The following AVL9 variants were observed in gnomAD, a reference collection of about 807,000 sequenced individuals.
AVL9 encodes AVL9 cell migration associated.
AVL9 carries 49 observed loss-of-function variants against 79.2 expected under a neutral mutation model. The ratio of observed to expected loss-of-function variants is 0.62; its 90% confidence interval spans 0.49 to 0.79. The LOEUF is 0.79. Among genes scored for constraint, AVL9 ranks in the 30% least tolerant of loss-of-function variants. The pLI, the probability that AVL9 is intolerant of heterozygous loss-of-function variation, is 0.00. For synonymous variants in AVL9, 299 were observed against 280.6 expected, an observed-to-expected ratio of 1.07 and a Z score of -0.65; for missense variants, 682 against 776.8, an observed-to-expected ratio of 0.88 and a Z score of 1.45.
At chr7:32,518,043 C>T (rs1212612373) in intron 1 of AVL9, among the ~76,000 whole-genome samples, 1 of 152,072 alleles carries the variant, frequency 6.6e-6, no homozygotes, top group Non-Finnish European at 1.5e-5. Context: ...GTTGGCCAGG[C>T]TGGTCTCAAA....
intron 10 of AVL9, among the ~76,000 whole-genome samples, chr7:32,567,262 T>C (rs1790624784): frequency 1.3e-5 from 2 of 152,094 alleles, no homozygotes; most frequent in African/African-American, 4.8e-5. Flanking sequence ...CCACCATACC[T>C]GGCTAATTTT....
Position 32,576,061 on chromosome 7 carries a change from A to C in AVL9, c.1677A>C (p.Glu559Asp). ...GCAACAAGCATCCAGCACTTGCAGAAATAAATCCAAAGTAAGCGCGTCCTC... is the reference window on the plus strand; with the variant it reads ...GCAACAAGCATCCAGCACTTGCAGACATAAATCCAAAGTAAGCGCGTCCTC... ...WNSNKHPALAEINPNHPFQGQ... is the reference protein window; with the variant it reads ...WNSNKHPALADINPNHPFQGQ... The change falls in exon 13 of 16, where the codon GAA becomes GAC. Residue 559 changes from glutamate (E) to aspartate (D), a missense_variant. Glu to Asp is a conservative substitution (Grantham distance 45). Coordinates refer to ENST00000318709, the MANE Select transcript of AVL9 (RefSeq NM_015060.3). 1 of 1,612,498 alleles carries C rather than the reference A, an allele frequency of 6.2e-7. No individual in the cohort carries two copies. The highest frequency in any genetic ancestry group is 8.5e-7 in the Non-Finnish European group (1 of 1,178,512).
rs1562803333 is a variant in AVL9 at position 32,580,713 on chromosome 7, T to TG, written c.1743-89_1743-88insG. 4.2e-4 allele frequency: 302 copies of TG among 722,890 alleles called. 1 individual carries two copies. Among genetic ancestry groups the TG allele is most frequent in the East Asian group, 3.2e-3 (116 of 35,984 alleles). 44.8% of individuals were successfully genotyped at this position (722,890 alleles called of 1,614,324 possible). On this transcript the variant is annotated intron_variant, in intron 14 of 15. Coordinates refer to ENST00000318709, the MANE Select transcript of AVL9 (RefSeq NM_015060.3). ...ATTTTGGATGGTTACAGAGTGACTA[T>TG]TGTGTGTGTGTCTATATGTGTCTGT...
At chr7:32,537,060 T>C (rs1788945532) in intron 1 of AVL9, 1 of 152,192 alleles carries the variant, frequency 6.6e-6, no homozygotes, top group Non-Finnish European at 1.5e-5. Context: ...CCATTGGTGA[T>C]AGAATTCAAT....
At chr7:32,571,858 A>G (rs1319275944) in intron 11 of AVL9, among the ~76,000 whole-genome samples, 3 of 152,110 alleles carry the variant, frequency 2.0e-5, no homozygotes, top group Non-Finnish European at 4.4e-5. Flanking sequence ...CAAATATTAC[A>G]TAATAAGACA....
At chr7:32,533,023 C>T (rs1272529395) in intron 1 of AVL9, 1 of 122,126 alleles carries the variant, frequency 8.2e-6, no homozygotes, top group African/African-American at 2.7e-5. Flanking sequence ...CTCTTAAAAA[C>T]AGAACAAGGC....
intron 3 of AVL9, among the ~76,000 whole-genome samples, chr7:32,546,170 C>T (rs908948673): frequency 6.7e-6 from 1 of 148,768 alleles, no homozygotes; most frequent in Non-Finnish European, 1.5e-5. Context: ...TTAAAAGCTT[C>T]CTCGGGTGAA....
chr7:32,570,464 C>T (rs918578972), intron 11 of AVL9, among the ~76,000 whole-genome samples: 1 of 152,142 alleles, frequency 6.6e-6, no homozygotes, highest in Non-Finnish European at 1.5e-5. Flanking sequence ...CCTACCACTA[C>T]CTCATGATTT....
chr7:32,580,172 C>G (rs372075156), intron 13 of AVL9, 47 bp from the exon 14 acceptor site: 28 of 1,445,436 alleles, frequency 1.9e-5, no homozygotes, highest in Non-Finnish European at 1.7e-5. Flanking sequence ...CTTTTTGCAG[C>G]CTTTTTGGTA....
chr7:32,558,581 T>G lies in AVL9; in HGVS notation c.632T>G (p.Val211Gly). 6.2e-7 allele frequency: 1 copy of G among 1,612,340 alleles called. No homozygotes were observed. The highest frequency in any genetic ancestry group is 1.3e-5 in the African/African-American group (1 of 74,932). ...CAGGTTCTTTTTTATATTTCTCCAGTGAATAAATTGGTGGGTGCACTGATG... is the reference window on the plus strand; with the variant it reads ...CAGGTTCTTTTTTATATTTCTCCAGGGAATAAATTGGTGGGTGCACTGATG... ...EKKVLFYISP[V>G]NKLVGALMTV... Residue 211 changes from valine to glycine, a missense_variant, in exon 9 of 16, where the codon GTG becomes GGG. Physicochemically the swap from Val to Gly is moderately radical, Grantham distance 109. Coordinates refer to ENST00000318709, the MANE Select transcript of AVL9 (RefSeq NM_015060.3).
At chr7:32,578,741 A>G (rs1791213904) in intron 13 of AVL9, among the ~76,000 whole-genome samples, 2 of 152,130 alleles carry the variant, frequency 1.3e-5, no homozygotes, top group Non-Finnish European at 2.9e-5. Flanking sequence ...CCTGGGAGGC[A>G]GGTTGCAGTG....
At chr7:32,550,086 C>G (rs1242872254) in intron 4 of AVL9, among the ~76,000 whole-genome samples, 2 of 152,028 alleles carry the variant, frequency 1.3e-5, no homozygotes, top group Non-Finnish European at 2.9e-5. Context: ...GACCAGATGA[C>G]AGAAGAGTAA....
chr7:32,553,522 T>C (rs1250678640), intron 6 of AVL9, among the ~76,000 whole-genome samples: 1 of 152,188 alleles, frequency 6.6e-6, no homozygotes, highest in Non-Finnish European at 1.5e-5. Flanking sequence ...GTTTAAAATA[T>C]TTTCATCCTT....
chr7:32,548,074 A>G (rs545209684), intron 3 of AVL9, among the ~76,000 whole-genome samples: 1 of 152,320 alleles, frequency 6.6e-6, no homozygotes, highest in South Asian at 2.1e-4. Context: ...GCAACATGGA[A>G]CAACTAACTT....
intron 1 of AVL9, among the ~76,000 whole-genome samples, chr7:32,509,221 G>C (rs1787543712): frequency 6.6e-6 from 1 of 152,016 alleles, no homozygotes; most frequent in Non-Finnish European, 1.5e-5. Context: ...CTTTTTGCAG[G>C]AGACTTTCCT....
intron 1 of AVL9, among the ~76,000 whole-genome samples, chr7:32,501,130 A>T (rs1033469881): frequency 6.6e-6 from 1 of 152,214 alleles, no homozygotes; most frequent in Admixed American, 6.5e-5. Context: ...TTGCATTGCA[A>T]ATTTAGAAAT....
chr7:32,503,703 G>A (rs985480724), intron 1 of AVL9, among the ~76,000 whole-genome samples: 2 of 149,906 alleles, frequency 1.3e-5, no homozygotes, highest in Non-Finnish European at 3.0e-5. Context: ...TTTGTTTCGA[G>A]ACGGAGTCTC....
intron 15 of AVL9, chr7:32,581,698 T>C (rs1791518022): frequency 6.6e-6 from 1 of 152,100 alleles, no homozygotes; most frequent in Non-Finnish European, 1.5e-5. Context: ...GTAGGCATGG[T>C]GGTGTGTGCC....
chr7:32,566,959 T>G (rs1205033636), intron 10 of AVL9, among the ~76,000 whole-genome samples: 5 of 152,372 alleles, frequency 3.3e-5, no homozygotes, highest in African/African-American at 1.2e-4. Flanking sequence ...TCTGTTTTGC[T>G]GAGTCTTAAA....
Sources: allele counts gnomAD v4.1 joint callset (sites outside exome capture counted in the v4.1 genomes callset), GRCh38; gene constraint gnomAD v4.1.1; transcripts MANE v1.5; gene names NCBI Gene and HGNC (gene_info 2026-07-23, HGNC 2026-07-21).